Variants in GSE1 observed in about 807,000 individuals in gnomAD.
GSE1 encodes the protein Gse1 coiled-coil protein, also known as genetic suppressor element 1.
A neutral mutation model predicts 112.6 loss-of-function variants in GSE1; 32 were observed. The observed-to-expected ratio is 0.28, with a 90% CI of 0.21 to 0.38. The LOEUF (loss-of-function observed/expected upper bound fraction) is 0.38. GSE1 is among the 10% of genes least tolerant of loss of function. The pLI is 1.00. For missense variants in GSE1, 2,348 were observed against 1,699.2 expected (o/e 1.38, Z -6.71); for synonymous variants, 1,115 against 735.6 (o/e 1.52, Z -8.35).
At chr16:85,578,774 C>T (rs886215268) in intron 1 of GSE1, among the ~76,000 whole-genome samples, 7 of 152,162 alleles carry the variant, frequency 4.6e-5, no homozygotes, top group African/African-American at 1.7e-4. Flanking sequence ...ACAGGCTAGT[C>T]TCTCTTGCTC....
At chr16:85,566,400 A>G (rs891545119) in intron 1 of GSE1, among the ~76,000 whole-genome samples, 2 of 152,200 alleles carry the variant, frequency 1.3e-5, no homozygotes, top group Admixed American at 1.3e-4. Context: ...AAGAAACGGA[A>G]TCGTCCTGGT....
chr16:85,456,640 G>GTGTGTGTGTGTGTGTGTGT (rs1567502072), intron 2 of GSE1, among the ~76,000 whole-genome samples: 3 of 139,638 alleles, frequency 2.1e-5, no homozygotes, highest in Admixed American at 7.5e-5. Context: ...GTGTGTGTGT[G>GTGTGTGTGTGTGTGTGTGT]GTCTGCCATT....
Position 85,620,556 on chromosome 16 carries a change from C to G in GSE1, c.7+7158C>G, listed in dbSNP as rs148860770. Among the ~76,000 whole-genome samples, 64 of 152,376 alleles carry G rather than the reference C, an allele frequency of 4.2e-4. No individual in the cohort carries two copies. The East Asian group carries it at 0.011, about 27-fold the overall frequency. On this transcript the variant is annotated intron_variant, in intron 1 of 15. Coordinates refer to ENST00000253458, the MANE Select transcript of GSE1 (RefSeq NM_014615.5). ...GGGAGCATTGGAGAGACTTCCGCCT[C>G]CCAGAGGCTGCCGATCCACGCGGTC...
At chr16:85,573,903 G>A (rs1052886333) in intron 1 of GSE1, among the ~76,000 whole-genome samples, 1 of 152,226 alleles carries the variant, frequency 6.6e-6, no homozygotes, top group African/African-American at 2.4e-5. Flanking sequence ...ACCAAAGCTG[G>A]GAAGGGCAGG....
chr16:85,294,993 C>G (rs535112313), intron 1 of GSE1, among the ~76,000 whole-genome samples: 1 of 152,002 alleles, frequency 6.6e-6, no homozygotes, highest in African/African-American at 2.4e-5. Context: ...TCAAACCATC[C>G]TCCTGCCTAG....
At chr16:85,306,635 T>A (rs2966868) in intron 1 of GSE1, among the ~76,000 whole-genome samples, 114,691 of 152,022 alleles carry the variant, frequency 0.75, 43,614 homozygotes, top group East Asian at 0.84. Flanking sequence ...TGCAGCCTCA[T>A]CCTCCTGGGT....
chr16:85,670,217 A>C (rs1373464117), intron 14 of GSE1, among the ~76,000 whole-genome samples: 1 of 152,244 alleles, frequency 6.6e-6, no homozygotes, highest in African/African-American at 2.4e-5. Flanking sequence ...CAGATGATCA[A>C]ACCTGCAAAT....
intron 1 of GSE1, among the ~76,000 whole-genome samples, chr16:85,180,499 C>A (rs1324582605): frequency 6.6e-6 from 1 of 152,272 alleles, no homozygotes; most frequent in Non-Finnish European, 1.5e-5. Flanking sequence ...GTGTCAGTGG[C>A]AGCAGCAGAG....
At chr16:85,257,485 A>G (rs1358690539) in intron 1 of GSE1, among the ~76,000 whole-genome samples, 2 of 152,240 alleles carry the variant, frequency 1.3e-5, no homozygotes, top group Non-Finnish European at 2.9e-5. Context: ...GCCGGAGCAC[A>G]TAGCGCGAGG....
chr16:85,609,003 C>T (rs2047841911), upstream of GSE1, among the ~76,000 whole-genome samples: 1 of 152,170 alleles, frequency 6.6e-6, no homozygotes, highest in Non-Finnish European at 1.5e-5. Flanking sequence ...AGAACGTGTC[C>T]GGGATCCATC....
intron 2 of GSE1, among the ~76,000 whole-genome samples, chr16:85,426,988 G>C (rs1200231591): frequency 6.6e-6 from 1 of 152,098 alleles, no homozygotes; most frequent in Non-Finnish European, 1.5e-5. Flanking sequence ...TGACCTGGGG[G>C]CCTCAGTTTG....
At chr16:85,473,780 G>C (rs34757689) in intron 2 of GSE1, among the ~76,000 whole-genome samples, 182 of 151,194 alleles carry the variant, frequency 1.2e-3, no homozygotes, top group Non-Finnish European at 2.1e-3. Context: ...GCGGGGCGGA[G>C]GGGGGGTCAC....
At chr16:85,193,471 G>T (rs2074866487) in intron 1 of GSE1, among the ~76,000 whole-genome samples, 1 of 151,454 alleles carries the variant, frequency 6.6e-6, no homozygotes, top group Non-Finnish European at 1.5e-5. Context: ...TTTTGCTTTT[G>T]TTTTTTTTGA....
intron 1 of GSE1, among the ~76,000 whole-genome samples, chr16:85,257,579 T>C (rs535447383): frequency 6.6e-6 from 1 of 152,334 alleles, no homozygotes; most frequent in African/African-American, 2.4e-5. Context: ...AGTCAAGCAT[T>C]TTATAAACTG....
At chr16:85,507,407 G>A (rs1429615134) in intron 2 of GSE1, among the ~76,000 whole-genome samples, 24 of 152,160 alleles carry the variant, frequency 1.6e-4, no homozygotes, top group Admixed American at 1.5e-3. Flanking sequence ...GGGTGGGGAG[G>A]GCAGCCCAGA....
chr16:85,667,488 C>T (rs2052965067), intron 13 of GSE1, among the ~76,000 whole-genome samples: 3 of 152,220 alleles, frequency 2.0e-5, no homozygotes, highest in South Asian at 2.1e-4. Flanking sequence ...CCCATTATGC[C>T]TAGGGATCAA....
intron 1 of GSE1, among the ~76,000 whole-genome samples, chr16:85,351,635 G>C (rs901210436): frequency 6.6e-6 from 1 of 152,264 alleles, no homozygotes; most frequent in Non-Finnish European, 1.5e-5. Context: ...GCCATCAAAC[G>C]ATACACTTTT....
At chr16:85,192,624 T>C (rs2074846970) in intron 1 of GSE1, among the ~76,000 whole-genome samples, 1 of 152,182 alleles carries the variant, frequency 6.6e-6, no homozygotes, top group Non-Finnish European at 1.5e-5. Flanking sequence ...TTTGTTCTTA[T>C]TGAGTGACCT....
intron 2 of GSE1, among the ~76,000 whole-genome samples, chr16:85,412,995 T>C (rs2048616264): frequency 6.6e-6 from 1 of 152,236 alleles, no homozygotes; most frequent in African/African-American, 2.4e-5. Flanking sequence ...GTTATAATGC[T>C]GAGCCTTTAT....
Sources: allele counts gnomAD v4.1 joint callset (sites outside exome capture counted in the v4.1 genomes callset), GRCh38; gene constraint gnomAD v4.1.1; transcripts MANE v1.5; gene names NCBI Gene and HGNC (gene_info 2026-07-23, HGNC 2026-07-21).